GPHN: variants seen among roughly 807,000 people sequenced by gnomAD.
The protein encoded by GPHN is gephyrin.
A neutral mutation model predicts 95.5 loss-of-function variants in GPHN; 17 were observed. The ratio of observed to expected loss-of-function variants is 0.18; its 90% confidence interval spans 0.12 to 0.27. The LOEUF is 0.27. GPHN is among the 10% of genes least tolerant of loss of function. GPHN has a pLI of 1.00. For missense variants in GPHN, 660 were observed against 978.1 expected (o/e 0.67, Z 4.34); for synonymous variants, 320 against 322.5 (o/e 0.99, Z 0.08).
the GPHN span, chr14:67,302,392 A>G: frequency 7.0e-7 from 1 of 1,432,482 alleles, no homozygotes; most frequent in Non-Finnish European, 9.3e-7. Context: ...TTTAAATTAT[A>G]CATATATATA....
chr14:66,730,886 G>T (rs1197387224), intron 2 of GPHN, among the ~76,000 whole-genome samples: 11 of 152,158 alleles, frequency 7.2e-5, no homozygotes, highest in Non-Finnish European at 1.5e-5. Context: ...ACCTCAAATT[G>T]TAATCCCCAT....
At chr14:67,321,135 A>G in the GPHN span, 1 of 1,614,124 alleles carries the variant, frequency 6.2e-7, no homozygotes, top group East Asian at 2.2e-5. Context: ...TTCGAGGCAG[A>G]CATAGCAGCT....
At chr14:66,524,579 T>C (rs750066332) in intron 1 of GPHN, among the ~76,000 whole-genome samples, 26 of 152,212 alleles carry the variant, frequency 1.7e-4, no homozygotes, top group South Asian at 8.3e-4. Context: ...ACACGTGCCA[T>C]GGTGGTTTGC....
chr14:66,757,089 A>C lies in GPHN; in HGVS notation c.144-19375A>C, dbSNP rs370648043. On this transcript the variant is annotated intron_variant, in intron 2 of 22. Transcript: ENST00000478722. ...GTGAAAGGAGAAGGAAATTGTGTAG[A>C]GCAAGATACTTTATTTGAGAGTGGT... Among the ~76,000 whole-genome samples, 16 of 152,340 alleles carry C rather than the reference A, an allele frequency of 1.1e-4. No homozygotes were observed. The South Asian group carries it at 3.3e-3, about 32-fold the overall frequency.
chr14:67,692,423 T>C, the GPHN span: 14 of 1,613,658 alleles, frequency 8.7e-6, no homozygotes, highest in African/African-American at 1.3e-5. Flanking sequence ...ATAGTCTCTC[T>C]AGTTCTACAC....
the GPHN span, chr14:67,589,839 A>C: frequency 3.3e-6 from 4 of 1,195,682 alleles, no homozygotes; most frequent in Non-Finnish European, 3.1e-6. Flanking sequence ...CTGTGTCAAA[A>C]TTCTTAAGGT....
chr14:66,508,717 G>A, intron 1 of GPHN, 126 bp downstream of exon 1: 1 of 870,604 alleles, frequency 1.1e-6, no homozygotes, highest in Middle Eastern at 2.2e-4. Flanking sequence ...GAACCGCGGG[G>A]GTGCATTTTA....
chr14:66,716,814 T>G (rs2070229097), intron 2 of GPHN, among the ~76,000 whole-genome samples: 1 of 152,180 alleles, frequency 6.6e-6, no homozygotes, highest in Non-Finnish European at 1.5e-5. Context: ...CTGAGAATTG[T>G]TTTGTTTGAG....
At chr14:67,064,866 G>T (rs1594997975) in intron 11 of GPHN, among the ~76,000 whole-genome samples, 1 of 150,712 alleles carries the variant, frequency 6.6e-6, no homozygotes, top group Non-Finnish European at 1.5e-5. Context: ...CAATTTTGTC[G>T]ATCCTTTCAA....
At chr14:67,574,421 T>C in the GPHN span, 3 of 1,510,044 alleles carry the variant, frequency 2.0e-6, no homozygotes, top group African/African-American at 1.4e-5. This position sits in a 1 kb window ranked among gnomAD's most constrained non-coding sequence, Gnocchi z 4.2. Flanking sequence ...GTGGGGCTGA[T>C]AGGGCAGGAA....
chr14:67,243,430 C>T, the GPHN span, among the ~76,000 whole-genome samples: 2 of 151,614 alleles, frequency 1.3e-5, no homozygotes, highest in African/African-American at 4.8e-5. Flanking sequence ...TCAGGTGATC[C>T]ACCCGCCTCG....
At chr14:67,216,748 T>C in the GPHN span, among the ~76,000 whole-genome samples, 1 of 152,176 alleles carries the variant, frequency 6.6e-6, no homozygotes, top group Non-Finnish European at 1.5e-5. Context: ...TTTTATTCCA[T>C]TGTGGTCAGA....
chr14:66,702,680 CA>C (rs2068668491), intron 2 of GPHN, among the ~76,000 whole-genome samples: 1 of 152,160 alleles, frequency 6.6e-6, no homozygotes, highest in Admixed American at 6.6e-5. Flanking sequence ...TGAAATTAGA[CA>C]AACTCATGAA....
the GPHN span, among the ~76,000 whole-genome samples, chr14:67,280,896 T>C: frequency 2.9e-5 from 4 of 138,328 alleles, no homozygotes; most frequent in African/African-American, 1.1e-4. Context: ...CTTTCTTTTC[T>C]TTCTTTCTTT....
intron 2 of GPHN, among the ~76,000 whole-genome samples, chr14:66,738,253 A>G (rs2072471517): frequency 6.6e-6 from 1 of 152,212 alleles, no homozygotes; most frequent in Non-Finnish European, 1.5e-5. Flanking sequence ...TTAATTTAAA[A>G]CTGTCTTTTC....
intron 1 of GPHN, among the ~76,000 whole-genome samples, chr14:66,627,084 A>T (rs2063554467): frequency 6.6e-6 from 1 of 152,064 alleles, no homozygotes; most frequent in South Asian, 2.1e-4. Flanking sequence ...GCAATATATG[A>T]CTCTTACCTT....
chr14:66,811,634 T>C (rs1376922323), intron 3 of GPHN, among the ~76,000 whole-genome samples: 4 of 152,138 alleles, frequency 2.6e-5, no homozygotes, highest in Non-Finnish European at 4.4e-5. Flanking sequence ...GAACCTAGTT[T>C]ACAATTGTAT....
At chr14:67,109,680 A>C (rs1408006707) in intron 13 of GPHN, among the ~76,000 whole-genome samples, 2 of 152,198 alleles carry the variant, frequency 1.3e-5, no homozygotes, top group African/African-American at 2.4e-5. Context: ...TTATTTAACC[A>C]AAAAGTTTAG....
intron 18 of GPHN, among the ~76,000 whole-genome samples, chr14:67,158,929 A>G (rs1294384035): frequency 2.0e-5 from 3 of 152,218 alleles, no homozygotes; most frequent in Non-Finnish European, 4.4e-5. Context: ...CAAGGAATGT[A>G]TATGGCTTTA....
Sources: gnomAD v4.1 joint callset for allele counts (sites outside exome capture counted in the v4.1 genomes callset) on GRCh38, gnomAD v4.1.1 for gene constraint, Gnocchi (gnomAD v3.1) non-coding constraint, MANE v1.5 for transcripts, NCBI Gene and HGNC (gene_info 2026-07-23, HGNC 2026-07-21) for gene names.